Variants in FBXO36 observed in about 807,000 individuals in gnomAD.
The protein encoded by FBXO36 is F-box protein 36, also known as F-box only protein 36.
Under a neutral mutation model 17.0 loss-of-function variants are expected in FBXO36, and 18 were observed. The ratio of observed to expected loss-of-function variants is 1.06; its 90% confidence interval spans 0.73 to 1.57. The LOEUF (loss-of-function observed/expected upper bound fraction) is 1.57, where lower values mean the gene tolerates loss of function less well. Among genes scored for constraint, FBXO36 ranks in the 40% most tolerant of loss-of-function variants. The probability of loss-of-function intolerance (pLI) is 0.00; values close to 1 mark genes in which losing one functional copy is unlikely to be tolerated. For synonymous variants in FBXO36, 83 were observed against 85.3 expected, an observed-to-expected ratio of 0.97 and a Z score of 0.15; for missense variants, 229 against 221.9, an observed-to-expected ratio of 1.03 and a Z score of -0.20.
chr2:230,009,456 C>CT (rs751693552), intron 3 of FBXO36, among the ~76,000 whole-genome samples: 1 of 152,184 alleles, frequency 6.6e-6, no homozygotes, highest in African/African-American at 2.4e-5. Flanking sequence ...TGGTTTCATT[C>CT]TTTTTTTATG....
Position 229,985,547 on chromosome 2 carries a change from T to C in FBXO36, c.205+9198T>C, listed in dbSNP as rs1462163865. Among the ~76,000 whole-genome samples, 6 of 152,314 alleles carry C rather than the reference T, an allele frequency of 3.9e-5. No individual in the cohort carries two copies. The East Asian group carries it at 1.2e-3, about 29-fold the overall frequency. On this transcript the variant is annotated intron_variant, in intron 2 of 3. Coordinates refer to ENST00000283946, the MANE Select transcript of FBXO36 (RefSeq NM_174899.5). The stretch of plus-strand genomic sequence containing the variant: ...GCCCTTTGTCTTCAGCCTTGATCTC[T>C]AGCTTCTGCATACCTTGGGTTGGGT...
At chr2:230,000,851 CTTTTT>C (rs71049612) in intron 3 of FBXO36, among the ~76,000 whole-genome samples, 2 of 89,486 alleles carry the variant, frequency 2.2e-5, no homozygotes. Flanking sequence ...AACCACTTTT[CTTTTT>C]TTTTTTTTTT....
At chr2:229,993,270 C>T (rs1379790164) in intron 2 of FBXO36, among the ~76,000 whole-genome samples, 3 of 152,108 alleles carry the variant, frequency 2.0e-5, no homozygotes, top group South Asian at 2.1e-4. Flanking sequence ...CCAATCCTAA[C>T]GAGAGTAACT....
intron 1 of FBXO36, chr2:229,923,355 T>C (rs1265905716): frequency 6.6e-6 from 1 of 152,224 alleles, no homozygotes; most frequent in Admixed American, 6.5e-5. Context: ...ACTGTGTCCA[T>C]GAAATTCTCA....
chr2:229,987,062 A>T (rs537945578), intron 2 of FBXO36, among the ~76,000 whole-genome samples: 16 of 151,682 alleles, frequency 1.1e-4, no homozygotes, highest in African/African-American at 3.1e-4. Context: ...TACTAAAAAT[A>T]TAAAAAAATT....
At chr2:229,928,297 A>C (rs1426116187) in intron 1 of FBXO36, among the ~76,000 whole-genome samples, 1 of 152,220 alleles carries the variant, frequency 6.6e-6, no homozygotes, top group African/African-American at 2.4e-5. Context: ...GATTAAACAT[A>C]GCATATCCTA....
At chr2:230,001,622 G>GA (rs915825453) in intron 3 of FBXO36, among the ~76,000 whole-genome samples, 8 of 151,870 alleles carry the variant, frequency 5.3e-5, no homozygotes, top group Admixed American at 3.9e-4. Flanking sequence ...CTTTATTAAT[G>GA]AAAAAAAGGC....
chr2:229,950,333 G>A (rs1300646187), intron 1 of FBXO36, among the ~76,000 whole-genome samples: 1 of 152,090 alleles, frequency 6.6e-6, no homozygotes, highest in Non-Finnish European at 1.5e-5. Context: ...AGCTGAGGCA[G>A]GAGAATCGCT....
intron 1 of FBXO36, among the ~76,000 whole-genome samples, chr2:229,936,057 G>C (rs2076962192): frequency 1.3e-5 from 2 of 152,114 alleles, no homozygotes; most frequent in African/African-American, 4.8e-5. Flanking sequence ...GTGTGGTGGT[G>C]GACGCTTGTA....
At chr2:229,939,373 A>G in intron 1 of FBXO36, 4 of 534,962 alleles carry the variant, frequency 7.5e-6, no homozygotes, top group Non-Finnish European at 9.6e-6. Context: ...CTAAAACTGT[A>G]TTAAAGTATC....
At chr2:229,982,178 C>T (rs1485347878) in intron 2 of FBXO36, among the ~76,000 whole-genome samples, 1 of 151,994 alleles carries the variant, frequency 6.6e-6, no homozygotes, top group Non-Finnish European at 1.5e-5. Flanking sequence ...CATGTGCCAC[C>T]ATGCCTGGCT....
chr2:229,940,615 T>C (rs541415806), intron 1 of FBXO36, among the ~76,000 whole-genome samples: 5 of 152,158 alleles, frequency 3.3e-5, no homozygotes, highest in Non-Finnish European at 7.4e-5. Flanking sequence ...CCTGCTAAAG[T>C]AGCATGGGCC....
At chr2:229,976,468 C>T in intron 2 of FBXO36, 119 bp downstream of exon 2, 2 of 673,078 alleles carry the variant, frequency 3.0e-6, no homozygotes, top group Middle Eastern at 2.5e-4. Flanking sequence ...TATGTACTTA[C>T]ATATACAATG....
chr2:229,976,501 A>T (rs185423828), intron 2 of FBXO36, 152 bp downstream of exon 2: 19 of 600,736 alleles, frequency 3.2e-5, no homozygotes, highest in Non-Finnish European at 2.6e-5. Flanking sequence ...AAACTAGAAA[A>T]CTGTTGTTTT....
intron 1 of FBXO36, among the ~76,000 whole-genome samples, chr2:229,940,323 C>T (rs926065008): frequency 6.6e-6 from 1 of 151,992 alleles, no homozygotes; most frequent in African/African-American, 2.4e-5. Flanking sequence ...TTATTGAAAG[C>T]GTAACTAAGA....
intron 2 of FBXO36, among the ~76,000 whole-genome samples, chr2:229,990,587 T>C (rs1169008845): frequency 6.6e-6 from 1 of 152,206 alleles, no homozygotes; most frequent in East Asian, 1.9e-4. Flanking sequence ...GGATTAATCC[T>C]ACTGGTCAAA....
chr2:229,926,637 G>T (rs1398344959), intron 1 of FBXO36, among the ~76,000 whole-genome samples: 1 of 151,370 alleles, frequency 6.6e-6, no homozygotes, highest in Non-Finnish European at 1.5e-5. Context: ...CCAGCCACTG[G>T]GTAGGCTGAG....
chr2:229,995,471 C>T (rs1171398083), intron 2 of FBXO36, among the ~76,000 whole-genome samples: 1 of 61,618 alleles, frequency 1.6e-5, no homozygotes, highest in East Asian at 4.7e-4. Context: ...ATAGTGAGAC[C>T]CTGTCTCTAC....
At chr2:230,000,936 C>T (rs1348952548) in intron 3 of FBXO36, among the ~76,000 whole-genome samples, 2 of 150,492 alleles carry the variant, frequency 1.3e-5, no homozygotes, top group African/African-American at 2.5e-5. Flanking sequence ...GCTCATGCAA[C>T]CTCCACCTCC....
Sources: allele counts gnomAD v4.1 joint callset (sites outside exome capture counted in the v4.1 genomes callset), GRCh38; gene constraint gnomAD v4.1.1; transcripts MANE v1.5; gene names NCBI Gene and HGNC (gene_info 2026-07-23, HGNC 2026-07-21).